CCSER1: variants seen among roughly 807,000 people sequenced by gnomAD.
The protein encoded by CCSER1 is serine-rich coiled-coil domain-containing protein 1.
CCSER1 carries 41 observed loss-of-function variants against 82.0 expected under a neutral mutation model. The ratio of observed to expected loss-of-function variants is 0.50; its 90% CI spans 0.39 to 0.65. The LOEUF (loss-of-function observed/expected upper bound fraction) is 0.65, where lower values mean the gene tolerates loss of function less well. Ranked by LOEUF, CCSER1 falls within the 30% of genes least tolerant of loss-of-function variation. The pLI, the probability that CCSER1 is intolerant of heterozygous loss-of-function variation, is 0.00. For missense variants in CCSER1, 1,119 were observed against 1,064.2 expected (o/e 1.05, Z -0.72); for synonymous variants, 414 against 383.9 (o/e 1.08, Z -0.92).
chr4:90,964,696 G>T (rs1734375726), intron 9 of CCSER1, among the ~76,000 whole-genome samples: 1 of 127,184 alleles, frequency 7.9e-6, no homozygotes, highest in Admixed American at 9.9e-5. Context: ...CTGCATTCCA[G>T]CCTGGGCGAC....
chr4:91,027,496 T>C (rs1740593945), intron 9 of CCSER1, among the ~76,000 whole-genome samples: 1 of 152,080 alleles, frequency 6.6e-6, no homozygotes, highest in Non-Finnish European at 1.5e-5. Context: ...AAAGACAGTA[T>C]ATATGTTTCA....
intron 8 of CCSER1, among the ~76,000 whole-genome samples, chr4:90,820,152 TA>T (rs1278485420): frequency 3.9e-5 from 6 of 152,162 alleles, no homozygotes; most frequent in Non-Finnish European, 7.4e-5. Flanking sequence ...AATATGGTGA[TA>T]TGGAAAATTG....
rs1334161530 is a variant in CCSER1 at position 91,187,425 on chromosome 4, ATAAG to A, written c.2217+101439_2217+101442del. Among the ~76,000 whole-genome samples, 5 of 152,248 alleles carry A rather than the reference ATAAG, an allele frequency of 3.3e-5. No individual in the cohort carries two copies. In the South Asian group the frequency reaches 6.2e-4, roughly 19 times the overall value. On this transcript the variant is annotated intron_variant, in intron 10 of 10. Coordinates refer to ENST00000509176, the MANE Select transcript of CCSER1 (RefSeq NM_001145065.2). ...AAAATTTCTCATTTTTTAAATAAAC[ATAAG>A]TAAGTAAATAAAAACAAAGTATGAA...
intron 10 of CCSER1, among the ~76,000 whole-genome samples, chr4:91,539,579 G>A (rs1318642723): frequency 6.6e-6 from 1 of 151,920 alleles, no homozygotes; most frequent in Admixed American, 6.6e-5. Context: ...TATTGCTAGT[G>A]GTTTCCTAAA....
chr4:90,640,035 A>G (rs77621729), intron 6 of CCSER1, among the ~76,000 whole-genome samples: 4,053 of 152,242 alleles, frequency 0.027, 166 homozygotes, highest in African/African-American at 0.09. Context: ...TCTTTCAAAA[A>G]GCCAAGAGAA....
chr4:91,165,058 T>C lies in CCSER1; in HGVS notation c.2217+79064T>C, dbSNP rs564640446. Among the ~76,000 whole-genome samples, 12 of 152,304 alleles carry C rather than the reference T, an allele frequency of 7.9e-5. No individual in the cohort carries two copies. In the South Asian group the frequency reaches 2.5e-3, roughly 32 times the overall value. Reference sequence around the variant, plus strand: ...GCTTTTCTGCTCTGGTTTCTCCCCATCTTTGTGGTTTTATCTACCTTTGGT... The same window carrying C: ...GCTTTTCTGCTCTGGTTTCTCCCCACCTTTGTGGTTTTATCTACCTTTGGT... On this transcript the variant is annotated intron_variant, in intron 10 of 10. Coordinates refer to ENST00000509176, the MANE Select transcript of CCSER1 (RefSeq NM_001145065.2).
At chr4:90,585,010 C>CA (rs1781833820) in intron 5 of CCSER1, among the ~76,000 whole-genome samples, 1 of 152,038 alleles carries the variant, frequency 6.6e-6, no homozygotes, top group African/African-American at 2.4e-5. Flanking sequence ...CGAGAGTGCT[C>CA]AAAGAATGCT....
At chr4:91,362,820 T>C (rs181159107) in intron 10 of CCSER1, among the ~76,000 whole-genome samples, 246 of 151,926 alleles carry the variant, frequency 1.6e-3, no homozygotes, top group African/African-American at 5.7e-3. Flanking sequence ...GCTCATCCTG[T>C]TTCTCTTCAA....
chr4:91,401,042 G>A (rs999418453), intron 10 of CCSER1, among the ~76,000 whole-genome samples: 11 of 151,508 alleles, frequency 7.3e-5, no homozygotes, highest in African/African-American at 1.7e-4. Context: ...GTTTTTCTTC[G>A]AGATAAAGAA....
chr4:90,754,877 A>G (rs1580320134), intron 7 of CCSER1, among the ~76,000 whole-genome samples: 1 of 152,158 alleles, frequency 6.6e-6, no homozygotes, highest in East Asian at 1.9e-4. Flanking sequence ...TGGAGAGCAT[A>G]GGGCTGCTCC....
At chr4:90,769,877 G>A (rs1736051495) in intron 7 of CCSER1, among the ~76,000 whole-genome samples, 1 of 152,166 alleles carries the variant, frequency 6.6e-6, no homozygotes, top group Admixed American at 6.5e-5. Context: ...AATACGCAGA[G>A]TATAGTGATC....
At chr4:90,955,070 T>C (rs1733296321) in intron 9 of CCSER1, among the ~76,000 whole-genome samples, 1 of 152,220 alleles carries the variant, frequency 6.6e-6, no homozygotes, top group South Asian at 2.1e-4. Flanking sequence ...TTAATATTTC[T>C]CATTAGCACT....
At chr4:90,228,470 T>C (rs993622996) in intron 1 of CCSER1, among the ~76,000 whole-genome samples, 1 of 152,060 alleles carries the variant, frequency 6.6e-6, no homozygotes, top group African/African-American at 2.4e-5. Context: ...AACCCATCTG[T>C]ATATCACCAT....
rs1363477421 is a variant in CCSER1 at position 90,214,580 on chromosome 4, G to A, written c.-42+86749G>A. Among the ~76,000 whole-genome samples, 3 of 151,928 alleles carry A rather than the reference G, an allele frequency of 2.0e-5. No homozygotes were observed. In the East Asian group the frequency reaches 5.8e-4, roughly 29 times the overall value. ...CCATGCAGTTGCTAGGTCATTACAA[G>A]GCAATAAAAAGTAGATGTATTTCCT... On this transcript the variant is annotated intron_variant, in intron 1 of 10. Transcript: ENST00000509176.
intron 10 of CCSER1, among the ~76,000 whole-genome samples, chr4:91,370,611 GC>G (rs1419514381): frequency 6.6e-6 from 1 of 151,782 alleles, no homozygotes; most frequent in African/African-American, 2.4e-5. Context: ...CAGGAGAATT[GC>G]TTTAACCTGG....
At chr4:90,473,081 A>G (rs1021156024) in intron 5 of CCSER1, among the ~76,000 whole-genome samples, 2 of 152,232 alleles carry the variant, frequency 1.3e-5, no homozygotes, top group Non-Finnish European at 2.9e-5. Flanking sequence ...TACACTCAGC[A>G]TGTTCCTCAA....
intron 5 of CCSER1, among the ~76,000 whole-genome samples, chr4:90,548,105 T>A (rs1776997086): frequency 1.3e-5 from 2 of 152,128 alleles, no homozygotes; most frequent in African/African-American, 2.4e-5. Flanking sequence ...AGGGCAATCA[T>A]TCTGGGATGC....
intron 4 of CCSER1, among the ~76,000 whole-genome samples, chr4:90,434,287 A>G (rs1235589864): frequency 6.6e-6 from 1 of 152,168 alleles, no homozygotes; most frequent in African/African-American, 2.4e-5. Flanking sequence ...AAATGGTTAG[A>G]TAAGAAAATA....
At chr4:90,911,758 G>A (rs1413750028) in intron 8 of CCSER1, among the ~76,000 whole-genome samples, 2 of 152,140 alleles carry the variant, frequency 1.3e-5, no homozygotes, top group African/African-American at 2.4e-5. Flanking sequence ...GACGGCACCT[G>A]GAAAATCGGG....
Sources: gnomAD v4.1 joint callset for allele counts (sites outside exome capture counted in the v4.1 genomes callset) on GRCh38, gnomAD v4.1.1 for gene constraint, MANE v1.5 for transcripts, NCBI Gene and HGNC (gene_info 2026-07-23, HGNC 2026-07-21) for gene names.